The following TENM2 variants were observed in gnomAD, a reference collection of about 807,000 sequenced individuals.
TENM2 encodes the protein teneurin transmembrane protein 2.
In TENM2, 52 loss-of-function variants were observed where a neutral mutation model predicts 245.2. The ratio of observed to expected loss-of-function variants is 0.21; its 90% CI spans 0.17 to 0.27. The LOEUF (loss-of-function observed/expected upper bound fraction) is 0.27. TENM2 is among the 10% of genes least tolerant of loss of function. The pLI, the probability that TENM2 is intolerant of heterozygous loss-of-function variation, is 1.00. For missense variants in TENM2, 3,046 were observed against 3,666.8 expected (o/e 0.83, Z 4.37); for synonymous variants, 1,363 against 1,438.9 (o/e 0.95, Z 1.19).
chr5:168,078,330 C>T, intron 7 of TENM2, among the ~76,000 whole-genome samples: 1 of 152,086 alleles, frequency 6.6e-6, no homozygotes, highest in Non-Finnish European at 1.5e-5. Flanking sequence ...TGGATATTAG[C>T]CCTTTTTCAG....
intron 2 of TENM2, among the ~76,000 whole-genome samples, chr5:167,659,567 A>G (rs1755069320): frequency 6.6e-6 from 1 of 152,184 alleles, no homozygotes; most frequent in African/African-American, 2.4e-5. Flanking sequence ...TTGAAACACT[A>G]TTCGTTTTAT....
intron 2 of TENM2, among the ~76,000 whole-genome samples, chr5:167,637,931 TAACA>T (rs1389764202): frequency 6.6e-6 from 1 of 150,768 alleles, no homozygotes; most frequent in East Asian, 2.0e-4. Flanking sequence ...TATACCTACA[TAACA>T]AACCTGCATT....
At position 167,425,767 on chromosome 5, in the gene TENM2, A is replaced by C. The variant is rs186984234; in HGVS notation, c.502+50294A>C. Reference sequence around the variant, plus strand: ...GCTGCTGCTGCTGCTGCTGCTGATGATGATGATGATGGTGAAGATGATGAC... The same window carrying C: ...GCTGCTGCTGCTGCTGCTGCTGATGCTGATGATGATGGTGAAGATGATGAC... On this transcript the variant is annotated intron_variant, in intron 2 of 28. Transcript: ENST00000518659. 2.3e-3 allele frequency among the ~76,000 whole-genome samples: 351 copies of C among 152,260 alleles called. 1 individual carries two copies. Among genetic ancestry groups the C allele is most frequent in the Middle Eastern group, 0.01 (3 of 294 alleles).
intron 11 of TENM2, 142 bp downstream of exon 13, chr5:168,125,192 C>T (rs1795757467): frequency 1.5e-5 from 11 of 746,848 alleles, no homozygotes; most frequent in Non-Finnish European, 2.4e-5. Context: ...CTTTCTCATT[C>T]TCTTCTCCTC....
At chr5:167,073,463 C>T in the TENM2 span, among the ~76,000 whole-genome samples, 1 of 152,104 alleles carries the variant, frequency 6.6e-6, no homozygotes, top group Non-Finnish European at 1.5e-5. Context: ...GCTTTTCCAG[C>T]TCTGTGCAGA....
chr5:167,446,793 G>GCACACACACACACACACACACA (rs34343283), intron 2 of TENM2, among the ~76,000 whole-genome samples: 1 of 143,914 alleles, frequency 6.9e-6, no homozygotes, highest in Non-Finnish European at 1.5e-5. Flanking sequence ...TTTGAAACAC[G>GCACACACACACACACACACACA]CACACACACA....
At chr5:167,849,848 A>G (rs964701513) in intron 2 of TENM2, among the ~76,000 whole-genome samples, 12 of 152,208 alleles carry the variant, frequency 7.9e-5, no homozygotes, top group Non-Finnish European at 2.9e-5. Flanking sequence ...AGTAAGATTG[A>G]AGGGGTGTGG....
In TENM2 at chr5:168,218,245, C is replaced by T. The variant is rs749316450; in HGVS notation, c.4354C>T (p.Arg1452Cys). The T allele has an allele frequency of 2.5e-6, 4 of 1,613,836 alleles. No homozygotes were observed. Among genetic ancestry groups the T allele is most frequent in the South Asian group, 1.1e-5 (1 of 91,046 alleles). ...CCACCAAGTCAGCATCATTGCGGGA[C>T]GCCCCATGCACTGCCAAGTTCCTGG... Residue 1452 changes from arginine to cysteine, a missense_variant, in exon 23 of 29, where the codon CGC (arginine) becomes TGC (cysteine). Physicochemically the swap from Arg to Cys is radical, Grantham distance 180. Around this residue, in one of 2 missense-constraint regions of TENM2, gnomAD observed 2,704 missense variants for 3,331.9 expected, o/e 0.81. Transcript: ENST00000518659. The surrounding 1 kb of genome is among the most constrained non-coding windows in gnomAD (Gnocchi z 5.2).
intron 27 of TENM2, among the ~76,000 whole-genome samples, chr5:168,259,914 T>C (rs1768031133): frequency 6.6e-6 from 1 of 152,208 alleles, no homozygotes. Context: ...TTGATCCTCA[T>C]AACAACCCAA....
At chr5:168,119,649 T>A (rs1369186751) in intron 10 of TENM2, among the ~76,000 whole-genome samples, 1 of 152,200 alleles carries the variant, frequency 6.6e-6, no homozygotes, top group Non-Finnish European at 1.5e-5. Flanking sequence ...TTCCCCAATC[T>A]CTGAATTGGC....
intron 1 of TENM2, among the ~76,000 whole-genome samples, chr5:167,321,801 T>TTTTTTTGGTGGGG (rs67957514): frequency 1.4e-4 from 1 of 7,282 alleles, no homozygotes; most frequent in African/African-American, 5.2e-4. Flanking sequence ...TTTTTTTTTT[T>TTTTTTTGGTGGGG]GGGGGGGGGG....
intron 2 of TENM2, among the ~76,000 whole-genome samples, chr5:167,791,127 G>A (rs1292880960): frequency 6.6e-6 from 1 of 151,864 alleles, no homozygotes; most frequent in Non-Finnish European, 1.5e-5. Context: ...CTAGAGTCTT[G>A]GTAATATTCT....
chr5:167,964,831 C>T (rs1449031795), intron 4 of TENM2, among the ~76,000 whole-genome samples: 1 of 152,160 alleles, frequency 6.6e-6, no homozygotes, highest in East Asian at 1.9e-4. Context: ...CAAGATGGAT[C>T]AAGGCTTTGG....
intron 2 of TENM2, among the ~76,000 whole-genome samples, chr5:167,663,684 A>G (rs1398261380): frequency 1.3e-5 from 2 of 151,876 alleles, no homozygotes; most frequent in African/African-American, 4.8e-5. Context: ...TTCATTTTCT[A>G]TTCCATTTTG....
chr5:167,935,452 G>T (rs771845306), intron 3 of TENM2, among the ~76,000 whole-genome samples: 6 of 152,188 alleles, frequency 3.9e-5, no homozygotes, highest in Non-Finnish European at 7.3e-5. Context: ...GTTTCCCCAG[G>T]TTAAGCCGTT....
At chr5:168,239,339 TAACTC>T (rs1765887770) in intron 25 of TENM2, among the ~76,000 whole-genome samples, 1 of 152,228 alleles carries the variant, frequency 6.6e-6, no homozygotes, top group Non-Finnish European at 1.5e-5. Context: ...ATTTCAAAGT[TAACTC>T]AAACCTGTGC....
At chr5:167,996,848 C>G (rs753539579) in intron 5 of TENM2, among the ~76,000 whole-genome samples, 6 of 152,186 alleles carry the variant, frequency 3.9e-5, no homozygotes, top group African/African-American at 1.4e-4. Context: ...AAGTGATTCT[C>G]GTGCCTCAGC....
chr5:167,586,952 T>G (rs2127696889), intron 2 of TENM2, among the ~76,000 whole-genome samples: 1 of 152,182 alleles, frequency 6.6e-6, no homozygotes, highest in East Asian at 1.9e-4. Context: ...AATTAGTAAT[T>G]GTTGGGCTCT....
At chr5:167,651,656 T>G (rs894596854) in intron 2 of TENM2, among the ~76,000 whole-genome samples, 1 of 152,194 alleles carries the variant, frequency 6.6e-6, no homozygotes, top group African/African-American at 2.4e-5. Context: ...AGAGGCTACA[T>G]GGTAGAATGG....
Sources: allele counts gnomAD v4.1 joint callset (sites outside exome capture counted in the v4.1 genomes callset), GRCh38; gene constraint gnomAD v4.1.1; regional missense constraint gnomAD v4.1.1; non-coding constraint Gnocchi (gnomAD v3.1); transcripts MANE v1.5; gene names NCBI Gene and HGNC (gene_info 2026-07-23, HGNC 2026-07-21).